The following PCDH19 variants were observed in gnomAD, a reference collection of about 807,000 sequenced individuals.
The protein encoded by PCDH19 is protocadherin 19.
In PCDH19, 6 loss-of-function variants were observed where a neutral mutation model predicts 46.2. The ratio of observed to expected loss-of-function variants is 0.13; its 90% confidence interval spans 0.07 to 0.26. PCDH19 has a LOEUF of 0.26. PCDH19 is among the 10% of genes least tolerant of loss of function. The pLI is 1.00. For synonymous variants in PCDH19, 481 were observed against 415.7 expected (o/e 1.16, Z -1.91); for missense variants, 740 against 972.3 (o/e 0.76, Z 3.18).
chrX:100,353,799 C>T (rs776915320), intron 3 of PCDH19, among the ~76,000 whole-genome samples: 1 of 111,839 alleles, frequency 8.9e-6, no homozygotes, highest in East Asian at 2.8e-4. Flanking sequence ...TCCTGACCTT[C>T]AAATGAAAAT....
chrX:100,395,839 C>T (rs1928012399), intron 3 of PCDH19, among the ~76,000 whole-genome samples: 1 of 113,059 alleles, frequency 8.8e-6, no homozygotes. Flanking sequence ...ACAAAAACTA[C>T]TCTAAATACA....
chrX:100,394,109 G>A lies in PCDH19; in HGVS notation c.2616+8415C>T, dbSNP rs140220546. ...TTGAACCCGGGAGGCAGAGGTTGCA[G>A]TGAGCCGAGATCATACCACTGCACT... On this transcript the variant is annotated intron_variant, in intron 3 of 5. Coordinates refer to ENST00000373034, the MANE Select transcript of PCDH19 (RefSeq NM_001184880.2). Among the ~76,000 whole-genome samples the A allele has an allele frequency of 8.7e-3, 980 of 112,056 alleles. 8 individuals carry two copies. The highest frequency in any genetic ancestry group is 0.03 in the African/African-American group (920 of 30,796).
intron 3 of PCDH19, among the ~76,000 whole-genome samples, chrX:100,391,230 TTA>T (rs1927852826): frequency 9.0e-6 from 1 of 111,702 alleles, no homozygotes; most frequent in Admixed American, 9.5e-5. Context: ...TCAACATAAT[TTA>T]TGTTTAAGTG....
In PCDH19 at chrX:100,294,611, TTCTC is replaced by T. The variant is rs1446882243; in HGVS notation, c.*1662_*1665del. On this transcript the variant is annotated 3_prime_UTR_variant, in exon 6 of 6. Transcript: ENST00000373034. ...ATTCTAGTGCTCTAACCTCTAGGCC[TTCTC>T]TCTGTGTATTCCTGAATTTCAAAAA... The T allele has an allele frequency of 2.7e-5, 3 of 111,936 alleles. No homozygotes were observed. The highest frequency in any genetic ancestry group is 3.8e-5 in the Non-Finnish European group (2 of 53,213). 9.2% of individuals were successfully genotyped at this position (111,936 alleles called of 1,213,427 possible).
chrX:100,402,949 C>T (rs995179976), intron 2 of PCDH19, 98 bp from the exon 3 acceptor site: 126 of 617,168 alleles, frequency 2.0e-4, no homozygotes, highest in Non-Finnish European at 3.2e-4. Flanking sequence ...ACCCCATCTC[C>T]GCTCCAGCTC....
In PCDH19 at chrX:100,364,048, T is replaced by C. The variant is rs560642803; in HGVS notation, c.2617-13344A>G. Among the ~76,000 whole-genome samples the C allele has an allele frequency of 6.1e-4, 68 of 111,407 alleles. No homozygotes were observed. In the South Asian group the frequency reaches 0.024, roughly 39 times the overall value. ...GACCCATTTTCTTCCTTCATCATGATTGAACTGTCACAGAGTACCCTTTCT... is the reference window on the plus strand; with the variant it reads ...GACCCATTTTCTTCCTTCATCATGACTGAACTGTCACAGAGTACCCTTTCT... On this transcript the variant is annotated intron_variant, in intron 3 of 5. Transcript: ENST00000373034.
At chrX:100,311,993 T>C (rs1200407138) in intron 5 of PCDH19, among the ~76,000 whole-genome samples, 2 of 111,495 alleles carry the variant, frequency 1.8e-5, no homozygotes, top group African/African-American at 3.3e-5. Flanking sequence ...TCCTTCCTCA[T>C]TGCAACAAAG....
chrX:100,317,943 T>G (rs925813598), intron 5 of PCDH19, among the ~76,000 whole-genome samples: 2 of 112,312 alleles, frequency 1.8e-5, no homozygotes, highest in Non-Finnish European at 3.8e-5. Flanking sequence ...AGGCAAACCT[T>G]TCTGCTGTAG....
intron 3 of PCDH19, among the ~76,000 whole-genome samples, chrX:100,379,672 GA>G (rs1484273253): frequency 8.9e-6 from 1 of 112,379 alleles, no homozygotes; most frequent in Non-Finnish European, 1.9e-5. Flanking sequence ...GGGAAGGAAA[GA>G]CGCCTTTCTT....
intron 3 of PCDH19, among the ~76,000 whole-genome samples, chrX:100,393,740 C>T (rs184247593): frequency 1.0e-3 from 116 of 112,124 alleles, no homozygotes; most frequent in Middle Eastern, 9.2e-3. Context: ...GGGAGAGCAG[C>T]TTGCCACAGA....
chrX:100,408,523 G>C lies in PCDH19; in HGVS notation c.75C>G (p.Leu25=), dbSNP rs1230665035. 8.3e-7 allele frequency: 1 copy of C among 1,199,900 alleles called. No homozygotes were observed. Among genetic ancestry groups the C allele is most frequent in the South Asian group, 1.8e-5 (1 of 55,946 alleles). ...GCTGCTCCTCTTCTACCGAGTACTT[G>C]AGATTAATGAGGGCGGCAGCCTGCG... is the stretch of plus-strand genomic sequence containing the variant. ...LWTQAAALIN[L]KYSVEEEQRA... Residue 25 remains leucine (L), a synonymous_variant, in exon 1 of 6, where the codon CTC becomes CTG. Transcript: ENST00000373034.
chrX:100,307,814 AAT>A (rs1924996002), intron 5 of PCDH19, among the ~76,000 whole-genome samples: 1 of 111,183 alleles, frequency 9.0e-6, no homozygotes, highest in East Asian at 2.8e-4. Context: ...AAATAATAAT[AAT>A]AAGGAATATA....
chrX:100,408,025 C>T lies in PCDH19; in HGVS notation c.573G>A (p.Val191=). 5 of 1,208,348 alleles carry T rather than the reference C, an allele frequency of 4.1e-6. No individual in the cohort carries two copies. Among genetic ancestry groups the T allele is most frequent in the Non-Finnish European group, 4.5e-6 (4 of 895,624 alleles). ...RGDGSRFAEL[V]VEKSLDRETQ... is the part of the protein sequence containing the mutation. ...TCTCGCGGTCCAGGCTCTTTTCCAC[C>T]ACGAGTTCGGCAAAGCGGGAGCCGT... Residue 191 remains valine, a synonymous_variant, in exon 1 of 6, where the codon GTG becomes GTA. Coordinates refer to ENST00000373034, the MANE Select transcript of PCDH19 (RefSeq NM_001184880.2).
chrX:100,352,898 T>C (rs373551464), intron 3 of PCDH19, among the ~76,000 whole-genome samples: 2 of 112,394 alleles, frequency 1.8e-5, no homozygotes, highest in African/African-American at 6.5e-5. Context: ...AATGTAAGAA[T>C]GGACTAATAC....
intron 5 of PCDH19, among the ~76,000 whole-genome samples, chrX:100,340,092 ACTGG>A (rs1926208386): frequency 9.0e-6 from 1 of 111,519 alleles, no homozygotes; most frequent in Non-Finnish European, 1.9e-5. Flanking sequence ...CTATATGGAG[ACTGG>A]TGGTCTCTAC....
chrX:100,299,641 A>G (rs1924716764), intron 5 of PCDH19, among the ~76,000 whole-genome samples: 1 of 111,401 alleles, frequency 9.0e-6, no homozygotes, highest in Non-Finnish European at 1.9e-5. Context: ...TTCTCTGTAT[A>G]GATAGTACTT....
At chrX:100,314,795 C>A (rs1449020482) in intron 5 of PCDH19, among the ~76,000 whole-genome samples, 7 of 111,745 alleles carry the variant, frequency 6.3e-5, no homozygotes, top group African/African-American at 2.3e-4. Flanking sequence ...TAAGAAGGGT[C>A]CCCTGGAGTT....
Position 100,408,660 on chromosome X carries a change from G to T in PCDH19, c.-63C>A. 1.0e-6 allele frequency: 1 copy of T among 980,710 alleles called. No individual in the cohort carries two copies. The highest frequency in any genetic ancestry group is 1.4e-6 in the Non-Finnish European group (1 of 716,162). The allele number at this position is 980,710 out of a possible 1,213,427, so 80.8% of individuals were successfully genotyped here. On this transcript the variant is annotated 5_prime_UTR_variant, in exon 1 of 6. Transcript: ENST00000373034. ...CCCCTCCGAGACCGACGCCGTCGGC[G>T]CTCCAGCTTCCCGCCGGCTCGGGCC...
chrX:100,353,752 T>G (rs1926634484), intron 3 of PCDH19, among the ~76,000 whole-genome samples: 1 of 112,063 alleles, frequency 8.9e-6, no homozygotes, highest in South Asian at 3.8e-4. Context: ...TCCTCCTTTT[T>G]TAACTCCAAA....
Sources: allele counts gnomAD v4.1 joint callset (sites outside exome capture counted in the v4.1 genomes callset), GRCh38; gene constraint gnomAD v4.1.1; transcripts MANE v1.5; gene names NCBI Gene and HGNC (gene_info 2026-07-23, HGNC 2026-07-21).